CCDC7: variants seen among roughly 807,000 people sequenced by gnomAD.
The protein encoded by CCDC7 is coiled-coil domain-containing protein 7.
In CCDC7, 183 loss-of-function variants were observed where a neutral mutation model predicts 196.9. The ratio of observed to expected loss-of-function variants is 0.93; its 90% CI spans 0.82 to 1.05. The LOEUF (loss-of-function observed/expected upper bound fraction) is 1.05, where lower values mean the gene tolerates loss of function less well. Ranked by LOEUF, CCDC7 falls within the 50% of genes least tolerant of loss-of-function variation. The pLI, the probability that CCDC7 is intolerant of heterozygous loss-of-function variation, is 0.00. For synonymous variants in CCDC7, 525 were observed against 484.6 expected (o/e 1.08, Z -1.10); for missense variants, 1,540 against 1,482.2 (o/e 1.04, Z -0.64).
intron 18 of CCDC7, among the ~76,000 whole-genome samples, chr10:32,597,817 C>A (rs761361134): frequency 6.6e-6 from 1 of 152,132 alleles, no homozygotes; most frequent in African/African-American, 2.4e-5. Flanking sequence ...GGGTATCCAG[C>A]GGAGGCTGCA....
chr10:32,720,422 G>A (rs141400004), intron 25 of CCDC7, among the ~76,000 whole-genome samples: 71 of 152,114 alleles, frequency 4.7e-4, no homozygotes, highest in Non-Finnish European at 7.8e-4. Context: ...GGGCCTGTTG[G>A]GGGGTAGGGG....
chr10:32,531,641 T>C (rs2049680778), intron 11 of CCDC7, among the ~76,000 whole-genome samples: 1 of 152,202 alleles, frequency 6.6e-6, no homozygotes, highest in South Asian at 2.1e-4. Context: ...ATTAGATCTT[T>C]AAATGTTCAG....
At chr10:32,843,574 G>A (rs2093110350) in intron 33 of CCDC7, among the ~76,000 whole-genome samples, 1 of 151,948 alleles carries the variant, frequency 6.6e-6, no homozygotes, top group African/African-American at 2.4e-5. Flanking sequence ...AAGAATTAAA[G>A]CAATGAGAGG....
chr10:32,834,631 C>A (rs1307327222), intron 32 of CCDC7, among the ~76,000 whole-genome samples, 184 bp from the exon 34 acceptor site: 2 of 150,084 alleles, frequency 1.3e-5, no homozygotes, highest in Non-Finnish European at 3.0e-5. Context: ...GCTTCCAATT[C>A]TAAGGCTTTG....
rs146874262 is a variant in CCDC7, at chr10:32,522,093, G to A, written c.993+3588G>A. ...ATGTGTTTTGTTAGAGTTTTGTTGA[G>A]AATTCTTGCATCAATAGTCACCAGA... On this transcript the variant is annotated intron_variant, in intron 11 of 41. Coordinates refer to ENST00000639629, the Ensembl canonical transcript of CCDC7. Among the ~76,000 whole-genome samples the A allele has an allele frequency of 7.1e-3, 1,082 of 152,262 alleles. 13 individuals carry two copies. Among genetic ancestry groups the A allele is most frequent in the African/African-American group, 0.025 (1,032 of 41,570 alleles).
intron 22 of CCDC7, among the ~76,000 whole-genome samples, chr10:32,688,467 A>G (rs571578501): frequency 2.6e-5 from 4 of 152,216 alleles, no homozygotes; most frequent in African/African-American, 9.6e-5. Flanking sequence ...ATATCTCCCC[A>G]TATTTTTCTT....
Position 32,875,082 on chromosome 10 carries a change from C to T in CCDC7, c.4112-1265C>T, listed in dbSNP as rs941547411. Among the ~76,000 whole-genome samples, 9 of 151,838 alleles carry T rather than the reference C, an allele frequency of 5.9e-5. No homozygotes were observed. In the South Asian group the frequency reaches 6.2e-4, roughly 11 times the overall value. On this transcript the variant is annotated intron_variant, in intron 41 of 41. Transcript: ENST00000639629. ...TCCCAATTTATGTTTTTGTATGTTT[C>T]ATCAAAGATCATTTGGCTGAAGTAT...
At chr10:32,469,562 A>C (rs1180415402) in intron 5 of CCDC7, among the ~76,000 whole-genome samples, 1 of 152,128 alleles carries the variant, frequency 6.6e-6, no homozygotes, top group Non-Finnish European at 1.5e-5. Flanking sequence ...CCTTCCAGAG[A>C]GGTGTTGTAC....
chr10:32,718,174 G>A (rs1298399341), intron 25 of CCDC7, among the ~76,000 whole-genome samples: 1 of 152,132 alleles, frequency 6.6e-6, no homozygotes, highest in African/African-American at 2.4e-5. Context: ...ACGTTAAAAA[G>A]CTTATCCACC....
intron 21 of CCDC7, among the ~76,000 whole-genome samples, chr10:32,665,627 A>C (rs1403052548): frequency 6.6e-6 from 1 of 151,962 alleles, no homozygotes; most frequent in Non-Finnish European, 1.5e-5. Context: ...TAGCTAAATA[A>C]TATGTTTTAA....
chr10:32,753,736 C>A (rs2075996696), intron 28 of CCDC7, among the ~76,000 whole-genome samples: 1 of 152,086 alleles, frequency 6.6e-6, no homozygotes, highest in Non-Finnish European at 1.5e-5. Context: ...ACCAGAAATT[C>A]TTAAATTACT....
At chr10:32,595,160 C>G (rs1209084828) in intron 18 of CCDC7, among the ~76,000 whole-genome samples, 2 of 152,160 alleles carry the variant, frequency 1.3e-5, no homozygotes, top group African/African-American at 4.8e-5. Flanking sequence ...CAGAATTTGG[C>G]TGTGAATCTG....
intron 40 of CCDC7, among the ~76,000 whole-genome samples, chr10:32,852,571 C>CTTCT (rs1255298487): frequency 6.6e-6 from 1 of 152,086 alleles, no homozygotes; most frequent in East Asian, 1.9e-4. Context: ...CAACCTCCAC[C>CTTCT]TTCTGGGTTC....
At chr10:32,600,611 A>G (rs1590385085) in intron 18 of CCDC7, among the ~76,000 whole-genome samples, 1 of 152,296 alleles carries the variant, frequency 6.6e-6, no homozygotes, top group South Asian at 2.1e-4. Flanking sequence ...AATAGCCTAG[A>G]GAACCTCTGC....
At chr10:32,491,936 A>G in exon 9 of CCDC7, 2 of 1,576,014 alleles carry the variant, frequency 1.3e-6, no homozygotes, top group Non-Finnish European at 1.7e-6. Context: ...TGCTCATTCA[A>G]TGACTAATCG....
chr10:32,708,169 A>G (rs2080137293), intron 24 of CCDC7, among the ~76,000 whole-genome samples: 1 of 151,792 alleles, frequency 6.6e-6, no homozygotes, highest in Non-Finnish European at 1.5e-5. Flanking sequence ...ATAATACCAC[A>G]CATCTACACC....
chr10:32,690,159 T>C (rs1365555583), intron 23 of CCDC7, among the ~76,000 whole-genome samples: 2 of 152,214 alleles, frequency 1.3e-5, no homozygotes, highest in Non-Finnish European at 2.9e-5. Flanking sequence ...CTGTATCTTG[T>C]CTGAACTAAT....
chr10:32,644,836 C>A (rs2067465984), intron 20 of CCDC7, among the ~76,000 whole-genome samples: 1 of 152,182 alleles, frequency 6.6e-6, no homozygotes, highest in South Asian at 2.1e-4. Context: ...GTCCATTAAA[C>A]CTCTTTCTTT....
intron 5 of CCDC7, among the ~76,000 whole-genome samples, chr10:32,468,488 CTT>C (rs1469909204): frequency 1.3e-5 from 2 of 152,128 alleles, no homozygotes; most frequent in Non-Finnish European, 2.9e-5. Context: ...TGGGCCAAGA[CTT>C]TGGGGTTTTC....
Sources: gnomAD v4.1 joint callset for allele counts (sites outside exome capture counted in the v4.1 genomes callset) on GRCh38, gnomAD v4.1.1 for gene constraint, MANE v1.5 for transcripts, NCBI Gene and HGNC (gene_info 2026-07-23, HGNC 2026-07-21) for gene names.